The following RHOT1 variants were observed in gnomAD, a reference collection of about 807,000 sequenced individuals.
RHOT1 encodes ras homolog family member T1, also known as mitochondrial Rho GTPase 1.
Under a neutral mutation model 95.3 loss-of-function variants are expected in RHOT1, and 27 were observed. The observed-to-expected ratio is 0.28, with a 90% confidence interval of 0.21 to 0.39. The LOEUF (loss-of-function observed/expected upper bound fraction) is 0.39. Ranked by LOEUF, RHOT1 falls within the 10% of genes least tolerant of loss-of-function variation. The probability of loss-of-function intolerance (pLI) is 1.00; values close to 1 mark genes in which losing one functional copy is unlikely to be tolerated. For missense variants in RHOT1, 578 were observed against 786.7 expected (o/e 0.73, Z 3.17); for synonymous variants, 227 against 263.5 (o/e 0.86, Z 1.34).
At chr17:32,184,896 T>G (rs1160591743) in intron 8 of RHOT1, among the ~76,000 whole-genome samples, 1 of 151,928 alleles carries the variant, frequency 6.6e-6, no homozygotes, top group Non-Finnish European at 1.5e-5. Flanking sequence ...TTGTAAACAT[T>G]CAATACAAGT....
At chr17:32,151,083 G>T in intron 1 of RHOT1, 1 of 1,102,614 alleles carries the variant, frequency 9.1e-7, no homozygotes, top group Non-Finnish European at 1.4e-6. Flanking sequence ...TCTCCTGAGT[G>T]AAAACAGCCA....
At chr17:32,144,427 A>G (rs2030971350) in intron 1 of RHOT1, among the ~76,000 whole-genome samples, 1 of 152,190 alleles carries the variant, frequency 6.6e-6, no homozygotes, top group African/African-American at 2.4e-5. Flanking sequence ...ACACACCTGT[A>G]GTCCCAGCTA....
At chr17:32,195,199 A>G (rs938843137) in intron 11 of RHOT1, among the ~76,000 whole-genome samples, 1 of 151,802 alleles carries the variant, frequency 6.6e-6, no homozygotes, top group East Asian at 1.9e-4. Context: ...TGGCTCAAGC[A>G]ATCCTCCCAC....
In RHOT1 at chr17:32,202,893, A is replaced by T. The variant is rs751849920; in HGVS notation, c.1325A>T (p.Asn442Ile). ...GTTCTTCAGGCTCTTCTTGGAAGAA[A>T]CTTAATGGTGAGAGTTCTCGTAAAA... ...SGVLQALLGR[N>I]LMRQKKIRED... is the part of the protein sequence containing the mutation. Residue 442 changes from asparagine (N) to isoleucine (I), a missense_variant, in exon 15 of 20, where the codon AAC (asparagine) becomes ATC (isoleucine). Physicochemically the swap from Asn to Ile is moderately radical, Grantham distance 149. Transcript: ENST00000545287. The T allele has an allele frequency of 1.9e-6, 3 of 1,610,684 alleles. No individual in the cohort carries two copies. Among genetic ancestry groups the T allele is most frequent in the Non-Finnish European group, 2.5e-6 (3 of 1,179,240 alleles).
intron 6 of RHOT1, among the ~76,000 whole-genome samples, chr17:32,178,266 A>G (rs1358129696): frequency 1.5e-5 from 2 of 135,864 alleles, no homozygotes; most frequent in Admixed American, 9.3e-5. Context: ...ATCTCGGCTC[A>G]CTGCAACCTG....
At chr17:32,218,416 A>C (rs1349836425) in intron 19 of RHOT1, among the ~76,000 whole-genome samples, 4 of 149,996 alleles carry the variant, frequency 2.7e-5, no homozygotes, top group Non-Finnish European at 5.9e-5. Flanking sequence ...CTGAGGTGAG[A>C]GGTTTGCTTG....
intron 1 of RHOT1, among the ~76,000 whole-genome samples, chr17:32,154,378 A>G (rs1332405652): frequency 1.3e-5 from 2 of 150,818 alleles, no homozygotes; most frequent in Non-Finnish European, 3.0e-5. Context: ...CAGGAGATCA[A>G]GACCATCCTG....
At chr17:32,178,847 G>A (rs2142593006) in intron 6 of RHOT1, 1 of 152,302 alleles carries the variant, frequency 6.6e-6, no homozygotes, top group East Asian at 2.0e-4. Context: ...ACCCCGTCTG[G>A]GATGTGAGGA....
At chr17:32,151,514 G>T in intron 1 of RHOT1, 1 of 582,634 alleles carries the variant, frequency 1.7e-6, no homozygotes, top group East Asian at 4.0e-5. Flanking sequence ...CATGGTTTCT[G>T]AAATCTGTCA....
chr17:32,166,841 T>C (rs2034129040), intron 1 of RHOT1, among the ~76,000 whole-genome samples: 1 of 152,220 alleles, frequency 6.6e-6, no homozygotes, highest in Non-Finnish European at 1.5e-5. Context: ...CTCAAAGTCA[T>C]GTGAGGGTTG....
chr17:32,207,197 A>G (rs906879537), intron 17 of RHOT1, 168 bp downstream of exon 17: 3 of 599,974 alleles, frequency 5.0e-6, no homozygotes, highest in Non-Finnish European at 8.2e-6. Context: ...CTAAAGTGGT[A>G]GAGTCTCAGA....
chr17:32,205,612 A>G (rs2037659036), intron 16 of RHOT1, among the ~76,000 whole-genome samples: 1 of 152,256 alleles, frequency 6.6e-6, no homozygotes, highest in South Asian at 2.1e-4. Context: ...GTACAAAAGA[A>G]GAGCTGAAAA....
chr17:32,152,504 C>A (rs1340837772), intron 1 of RHOT1, among the ~76,000 whole-genome samples: 1 of 151,972 alleles, frequency 6.6e-6, no homozygotes, highest in African/African-American at 2.4e-5. Flanking sequence ...CTTGGACCTT[C>A]AGACACCCAC....
rs1487128006 is a variant in RHOT1, at chr17:32,208,127, A to G, written c.1557A>G (p.Arg519=). ...RIFKQHFMDS[R]IPCLIVAAKS... Reference sequence around the variant, plus strand: ...CATAGCAACACTTTATGGACAGCAGAATACCTTGCTTAATCGTAGCTGCAA... The same window carrying G: ...CATAGCAACACTTTATGGACAGCAGGATACCTTGCTTAATCGTAGCTGCAA... Residue 519 remains arginine (R), a synonymous_variant, in exon 18 of 20, where the codon AGA becomes AGG. Transcript: ENST00000545287. 6.2e-7 allele frequency: 1 copy of G among 1,613,922 alleles called. No individual in the cohort carries two copies. The highest frequency in any genetic ancestry group is 1.3e-5 in the African/African-American group (1 of 74,928).
At chr17:32,208,342 A>G (rs765049473) in intron 18 of RHOT1, 33 bp downstream of exon 18, 5 of 1,574,112 alleles carry the variant, frequency 3.2e-6, no homozygotes, top group Admixed American at 1.7e-5. Flanking sequence ...TTCATGTTGC[A>G]TGGTTCATAA....
chr17:32,185,439 A>T (rs1027099844), intron 8 of RHOT1, among the ~76,000 whole-genome samples: 1 of 150,508 alleles, frequency 6.6e-6, no homozygotes, highest in East Asian at 2.0e-4. Context: ...TCAGGGCCTT[A>T]CTCTATCGCC....
intron 8 of RHOT1, 144 bp downstream of exon 8, chr17:32,183,416 A>T (rs907805983): frequency 8.2e-5 from 35 of 429,444 alleles, no homozygotes; most frequent in Non-Finnish European, 1.3e-4. Context: ...ACATTTTGGT[A>T]CTCTTCTTCA....
intron 1 of RHOT1, among the ~76,000 whole-genome samples, chr17:32,147,636 A>G (rs73284177): frequency 0.045 from 6,902 of 151,952 alleles, 532 homozygotes; most frequent in African/African-American, 0.16. Flanking sequence ...CCTGACTGAC[A>G]TGGTGAAACC....
intron 19 of RHOT1, among the ~76,000 whole-genome samples, chr17:32,214,679 T>G (rs936384348): frequency 6.6e-6 from 1 of 152,176 alleles, no homozygotes. Context: ...TACTGGTTGG[T>G]CACTATTGGT....
Sources: gnomAD v4.1 joint callset for allele counts (sites outside exome capture counted in the v4.1 genomes callset) on GRCh38, gnomAD v4.1.1 for gene constraint, MANE v1.5 for transcripts, NCBI Gene and HGNC (gene_info 2026-07-23, HGNC 2026-07-21) for gene names.